The following CAPN13 variants were observed in gnomAD, a reference collection of about 807,000 sequenced individuals.
CAPN13 encodes calpain-13.
A neutral mutation model predicts 98.4 loss-of-function variants in CAPN13; 90 were observed. That is an observed-to-expected ratio of 0.92 (90% CI 0.77 to 1.09). The LOEUF is 1.09. Ranked by LOEUF, CAPN13 falls within the 50% of genes least tolerant of loss-of-function variation. CAPN13 has a pLI of 0.00. For missense variants in CAPN13, 887 were observed against 841.3 expected (o/e 1.05, Z -0.67); for synonymous variants, 330 against 305.5 (o/e 1.08, Z -0.84).
intron 1 of CAPN13, among the ~76,000 whole-genome samples, chr2:30,800,136 G>T (rs1392365864): frequency 6.9e-6 from 1 of 144,436 alleles, no homozygotes; most frequent in Admixed American, 6.9e-5. Context: ...AAGAAAGAAA[G>T]AAAGAAAGAA....
At chr2:30,801,358 G>A (rs1311182413) in intron 1 of CAPN13, among the ~76,000 whole-genome samples, 5 of 152,062 alleles carry the variant, frequency 3.3e-5, no homozygotes, top group African/African-American at 1.2e-4. Flanking sequence ...GCTCATGATT[G>A]TAATCCCAGC....
At chr2:30,777,092 T>C (rs1248549686) in intron 3 of CAPN13, among the ~76,000 whole-genome samples, 1 of 152,184 alleles carries the variant, frequency 6.6e-6, no homozygotes, top group African/African-American at 2.4e-5. Flanking sequence ...CTTTCTGAGG[T>C]TTCTCTTGGC....
At position 30,775,930 on chromosome 2, in the gene CAPN13, C is replaced by A. The variant is rs1450005264; in HGVS notation, c.387G>T (p.Arg129=). The stretch of plus-strand genomic sequence containing the variant: ...ATGAGCGCTGCAAGGGCACACGTAC[C>A]CGGAAACGGAAAATGCCAGCATACT... ...SHQYAGIFRF[R]FWQCGQWVEV... Residue 129 remains arginine, a splice_region_variant and synonymous_variant, in exon 4 of 23, where the codon CGG becomes CGT. Transcript: ENST00000295055. 2.5e-6 allele frequency: 4 copies of A among 1,606,292 alleles called. No homozygotes were observed. In the African/African-American group the frequency reaches 4.0e-5, roughly 16 times the overall value.
chr2:30,800,178 A>AAGAAAGAAAGAG (rs1675181351), intron 1 of CAPN13, among the ~76,000 whole-genome samples: 14 of 151,096 alleles, frequency 9.3e-5, no homozygotes, highest in Admixed American at 3.3e-4. Context: ...GAAAGAAAGA[A>AAGAAAGAAAGAG]AGAAAGAAAG....
chr2:30,750,229 C>G (rs1260084373), intron 11 of CAPN13, among the ~76,000 whole-genome samples: 1 of 152,036 alleles, frequency 6.6e-6, no homozygotes. Flanking sequence ...ATCACAAGTC[C>G]TCACTTATAA....
At chr2:30,798,027 TG>T (rs1184310287) in intron 1 of CAPN13, among the ~76,000 whole-genome samples, 2 of 152,182 alleles carry the variant, frequency 1.3e-5, no homozygotes, top group Non-Finnish European at 2.9e-5. Context: ...GTTCAGACGG[TG>T]GAAGGAGTCA....
At chr2:30,807,212 A>G (rs866741143) in intron 1 of CAPN13, 90 bp downstream of exon 1, 1 of 152,204 alleles carries the variant, frequency 6.6e-6, no homozygotes, top group Non-Finnish European at 1.5e-5. Context: ...AAGCGACATC[A>G]TGAAGCTCTC....
At chr2:30,742,097 G>T in intron 14 of CAPN13, 133 bp from the exon 15 acceptor site, 2 of 990,614 alleles carry the variant, frequency 2.0e-6, no homozygotes, top group East Asian at 2.6e-5. Context: ...AAAGCCTTCT[G>T]GGGAATGAGA....
At chr2:30,784,260 C>A (rs1209364930) in intron 2 of CAPN13, among the ~76,000 whole-genome samples, 6 of 152,082 alleles carry the variant, frequency 3.9e-5, no homozygotes, top group African/African-American at 1.4e-4. Flanking sequence ...AGCCCCTGAC[C>A]CACATTTTTC....
chr2:30,727,351 A>T (rs984029361), intron 22 of CAPN13, among the ~76,000 whole-genome samples: 6 of 152,226 alleles, frequency 3.9e-5, no homozygotes, highest in Non-Finnish European at 7.3e-5. Context: ...TATGCTACAG[A>T]TGATGGCATC....
intron 8 of CAPN13, among the ~76,000 whole-genome samples, chr2:30,754,975 A>G (rs1672370708): frequency 6.6e-6 from 1 of 152,110 alleles, no homozygotes; most frequent in African/African-American, 2.4e-5. Flanking sequence ...CAGTGGTTCC[A>G]TATTATTCTT....
chr2:30,777,909 G>C (rs982769844), intron 2 of CAPN13, among the ~76,000 whole-genome samples: 2 of 152,160 alleles, frequency 1.3e-5, no homozygotes, highest in African/African-American at 4.8e-5. Context: ...GGAGTCCTTG[G>C]ATCAAATAGC....
chr2:30,781,477 T>C (rs904560565), intron 2 of CAPN13, among the ~76,000 whole-genome samples: 4 of 152,164 alleles, frequency 2.6e-5, no homozygotes, highest in Non-Finnish European at 5.9e-5. Context: ...ACTTTAACAT[T>C]TGAGTTGGGG....
At chr2:30,739,729 A>G (rs1021127730) in intron 15 of CAPN13, among the ~76,000 whole-genome samples, 6 of 152,172 alleles carry the variant, frequency 3.9e-5, no homozygotes, top group Non-Finnish European at 7.3e-5. Context: ...CCATATTCCC[A>G]TGTGAGGACA....
chr2:30,754,073 TC>T (rs949090315), intron 9 of CAPN13, among the ~76,000 whole-genome samples: 27 of 152,334 alleles, frequency 1.8e-4, no homozygotes, highest in African/African-American at 4.8e-4. Flanking sequence ...CCTGGAAAGT[TC>T]AGCATTTCAT....
chr2:30,733,772 C>T (rs1319544545), intron 19 of CAPN13, among the ~76,000 whole-genome samples: 2 of 152,162 alleles, frequency 1.3e-5, no homozygotes, highest in Admixed American at 6.5e-5. Context: ...AGTGTTAACC[C>T]GGGGAAATGT....
intron 1 of CAPN13, among the ~76,000 whole-genome samples, chr2:30,790,716 T>A (rs976215450): frequency 2.0e-5 from 3 of 152,198 alleles, no homozygotes; most frequent in Non-Finnish European, 4.4e-5. Flanking sequence ...ATGTTTGCAG[T>A]CAGACCTTGG....
intron 4 of CAPN13, among the ~76,000 whole-genome samples, chr2:30,774,364 T>C (rs914036337): frequency 6.6e-6 from 1 of 151,920 alleles, no homozygotes; most frequent in African/African-American, 2.4e-5. Flanking sequence ...AATCAAAAGT[T>C]GATTTGTCAA....
chr2:30,775,261 A>G (rs1033850208), intron 4 of CAPN13, among the ~76,000 whole-genome samples: 4 of 152,164 alleles, frequency 2.6e-5, no homozygotes, highest in Admixed American at 2.6e-4. Context: ...CATGAGCCAC[A>G]AAATCATAAA....
Sources: gnomAD v4.1 joint callset for allele counts (sites outside exome capture counted in the v4.1 genomes callset) on GRCh38, gnomAD v4.1.1 for gene constraint, MANE v1.5 for transcripts, NCBI Gene and HGNC (gene_info 2026-07-23, HGNC 2026-07-21) for gene names.